Variants in RETREG1 observed in about 807,000 individuals in gnomAD.
RETREG1 encodes the protein reticulophagy regulator 1.
RETREG1 carries 44 observed loss-of-function variants against 54.8 expected under a neutral mutation model. The ratio of observed to expected loss-of-function variants is 0.80; its 90% CI spans 0.63 to 1.03. RETREG1 has a LOEUF of 1.03. Ranked by LOEUF, RETREG1 falls within the 50% of genes least tolerant of loss-of-function variation. The pLI, the probability that RETREG1 is intolerant of heterozygous loss-of-function variation, is 0.00. For synonymous variants in RETREG1, 217 were observed against 238.5 expected, an observed-to-expected ratio of 0.91 and a Z score of 0.83; for missense variants, 554 against 605.1, an observed-to-expected ratio of 0.92 and a Z score of 0.89.
intron 3 of RETREG1, among the ~76,000 whole-genome samples, chr5:16,519,631 G>A (rs1230512897): frequency 6.6e-6 from 1 of 152,100 alleles, no homozygotes; most frequent in African/African-American, 2.4e-5. Flanking sequence ...CCAACACCCT[G>A]AGCCTCTGAA....
chr5:16,554,175 A>G (rs191482643), intron 3 of RETREG1, among the ~76,000 whole-genome samples: 1 of 152,204 alleles, frequency 6.6e-6, no homozygotes, highest in Admixed American at 6.5e-5. Context: ...ATTTTTCTTC[A>G]CCCCAATCCT....
chr5:16,482,130 C>T (rs1738800230), intron 4 of RETREG1, among the ~76,000 whole-genome samples: 1 of 151,500 alleles, frequency 6.6e-6, no homozygotes, highest in Non-Finnish European at 1.5e-5. Context: ...ACTTGTGGAA[C>T]AAAATTAAGA....
intron 1 of RETREG1, among the ~76,000 whole-genome samples, chr5:16,611,300 T>TGTAAATGATGAGTTAATGGGTGCAG (rs1743337040): frequency 6.6e-6 from 1 of 152,072 alleles, no homozygotes; most frequent in African/African-American, 2.4e-5. Context: ...ATACATCTAA[T>TGTAAATGATGAGTTAATGGGTGCAG]GTAAATGATG....
chr5:16,574,202 T>TG (rs35799955), intron 1 of RETREG1, among the ~76,000 whole-genome samples: 125,636 of 152,062 alleles, frequency 0.83, 51,877 homozygotes, highest in Middle Eastern at 0.87. Flanking sequence ...TAATCTGGGG[T>TG]GCCTCAGCAG....
rs1256084219 is a variant in RETREG1 at position 16,593,023 on chromosome 5, T to C, written c.321-20921A>G. 6.6e-6 allele frequency among the ~76,000 whole-genome samples: 1 copy of C among 152,046 alleles called. No homozygotes were observed. Among genetic ancestry groups the C allele is most frequent in the Non-Finnish European group, 1.5e-5 (1 of 67,998 alleles). On this transcript the variant is annotated intron_variant, in intron 1 of 8. Transcript: ENST00000306320. This position sits in a 1 kb window ranked among gnomAD's most constrained non-coding sequence, Gnocchi z 4.9. ...ATATGAGTTCACCTATATAACACAC[T>C]TGAACTTAAAAGTTTTTCAAAAAAA... is the stretch of plus-strand genomic sequence containing the variant.
chr5:16,521,499 G>A (rs1400347913), intron 3 of RETREG1, among the ~76,000 whole-genome samples: 1 of 152,160 alleles, frequency 6.6e-6, no homozygotes, highest in Non-Finnish European at 1.5e-5. Context: ...GAGAAATTTA[G>A]AACAAATCAT....
At position 16,558,446 on chromosome 5, in the gene RETREG1, G is replaced by T. The variant is rs114824153; in HGVS notation, c.458+7317C>A. Among the ~76,000 whole-genome samples, 522 of 152,136 alleles carry T rather than the reference G, an allele frequency of 3.4e-3. 2 individuals carry two copies. Among genetic ancestry groups the T allele is most frequent in the African/African-American group, 0.012 (487 of 41,492 alleles). On this transcript the variant is annotated intron_variant, in intron 3 of 8. Transcript: ENST00000306320. The stretch of plus-strand genomic sequence containing the variant: ...AATGAATTTCTTTCCTTTATATATT[G>T]CCCAGTCTCAGATAATCTGTTACAG...
chr5:16,574,059 T>C (rs1007391455), intron 1 of RETREG1, among the ~76,000 whole-genome samples: 1 of 152,136 alleles, frequency 6.6e-6, no homozygotes, highest in Non-Finnish European at 1.5e-5. Context: ...GAAGTTTTTA[T>C]AGAAGCGGCA....
At chr5:16,523,390 G>C (rs1215710704) in intron 3 of RETREG1, among the ~76,000 whole-genome samples, 1 of 152,090 alleles carries the variant, frequency 6.6e-6, no homozygotes, top group Non-Finnish European at 1.5e-5. Flanking sequence ...GACCTTGACA[G>C]ATCTGAGGAG....
chr5:16,616,582 G>C lies in RETREG1; in HGVS notation c.320+70C>G, dbSNP rs1257100012. On this transcript the variant is annotated intron_variant, in intron 1 of 8. Transcript: ENST00000306320. ...GTCCCGCGGGCTCCCCCTGCACTGGGTCCCCGGGGCCCCGGGCGCCCCAAG... is the reference window on the plus strand; with the variant it reads ...GTCCCGCGGGCTCCCCCTGCACTGGCTCCCCGGGGCCCCGGGCGCCCCAAG... The C allele has an allele frequency of 3.3e-6, 5 of 1,533,694 alleles. No individual in the cohort carries two copies. The African/African-American group carries it at 5.5e-5, about 17-fold the overall frequency.
chr5:16,543,852 G>A (rs894766739), intron 3 of RETREG1, among the ~76,000 whole-genome samples: 1 of 151,692 alleles, frequency 6.6e-6, no homozygotes, highest in Non-Finnish European at 1.5e-5. Flanking sequence ...ATCTCATTGT[G>A]GTTATAATTC....
chr5:16,480,011 A>G (rs1228165063), intron 5 of RETREG1, among the ~76,000 whole-genome samples: 7 of 152,062 alleles, frequency 4.6e-5, no homozygotes, highest in Admixed American at 1.3e-4. Flanking sequence ...TTTAAAGTGT[A>G]CAATTTGATA....
intron 3 of RETREG1, among the ~76,000 whole-genome samples, chr5:16,506,950 C>A (rs1484853924): frequency 6.6e-6 from 1 of 152,032 alleles, no homozygotes; most frequent in Non-Finnish European, 1.5e-5. Context: ...TAATAATAAT[C>A]ATTATATGTG....
At chr5:16,527,800 A>ATTTTTTATTTTTTT (rs1740761717) in intron 3 of RETREG1, among the ~76,000 whole-genome samples, 1 of 66,250 alleles carries the variant, frequency 1.5e-5, no homozygotes, top group Non-Finnish European at 2.7e-5. Context: ...AGGGACTCTA[A>ATTTTTTATTTTTTT]TTTTTTTTTT....
chr5:16,542,469 C>T (rs558859165), intron 3 of RETREG1, among the ~76,000 whole-genome samples: 1 of 152,234 alleles, frequency 6.6e-6, no homozygotes, highest in East Asian at 1.9e-4. Flanking sequence ...CTCCAACCAA[C>T]GATAGTCAAT....
At chr5:16,557,290 CT>C (rs1043232478) in intron 3 of RETREG1, among the ~76,000 whole-genome samples, 10 of 152,058 alleles carry the variant, frequency 6.6e-5, no homozygotes, top group Non-Finnish European at 1.5e-4. Flanking sequence ...CAGCATGAGA[CT>C]TTTTTTTAAA....
intron 3 of RETREG1, among the ~76,000 whole-genome samples, chr5:16,518,117 CAT>C (rs1361404256): frequency 6.8e-6 from 1 of 147,222 alleles, no homozygotes; most frequent in African/African-American, 2.5e-5. Flanking sequence ...AATGTATTTA[CAT>C]ATAATTGTAT....
In RETREG1 at chr5:16,474,692, T is replaced by G; in HGVS notation, c.*49A>C. 6.4e-7 allele frequency: 1 copy of G among 1,569,364 alleles called. No homozygotes were observed. The highest frequency in any genetic ancestry group is 8.6e-7 in the Non-Finnish European group (1 of 1,167,104). ...TCCTTTTTTTTTTTTTTTTCTTGTT[T>G]GAAATTTTTTTGGTGTTTTTTGTGC... On this transcript the variant is annotated 3_prime_UTR_variant, in exon 9 of 9. Transcript: ENST00000306320.
chr5:16,605,514 G>A (rs1743163464), intron 1 of RETREG1, among the ~76,000 whole-genome samples: 1 of 152,202 alleles, frequency 6.6e-6, no homozygotes, highest in Non-Finnish European at 1.5e-5. Flanking sequence ...GGAGTGGGGT[G>A]TTAAGAGTCT....
Sources: allele counts gnomAD v4.1 joint callset (sites outside exome capture counted in the v4.1 genomes callset), GRCh38; gene constraint gnomAD v4.1.1; non-coding constraint Gnocchi (gnomAD v3.1); transcripts MANE v1.5; gene names NCBI Gene and HGNC (gene_info 2026-07-23, HGNC 2026-07-21).